The following HMCN2 variants were observed in gnomAD, a reference collection of about 807,000 sequenced individuals.
HMCN2 encodes hemicentin-2.
A neutral mutation model predicts 377.5 loss-of-function variants in HMCN2; 325 were observed. The ratio of observed to expected loss-of-function variants is 0.86; its 90% CI spans 0.79 to 0.94. The LOEUF (loss-of-function observed/expected upper bound fraction) is 0.94, where lower values mean the gene tolerates loss of function less well. Ranked by LOEUF, HMCN2 falls within the 40% of genes least tolerant of loss-of-function variation. The pLI, the probability that HMCN2 is intolerant of heterozygous loss-of-function variation, is 0.00. For missense variants in HMCN2, 4,543 were observed against 4,725.3 expected (o/e 0.96, Z 1.13); for synonymous variants, 2,007 against 2,046.8 (o/e 0.98, Z 0.53).
At position 130,368,315 on chromosome 9, in the gene HMCN2, T is replaced by A; in HGVS notation, c.6665T>A (p.Val2222Glu). ...LPGEGAGLQH[V>E]SAVGRLLYLG... ...GGGGAGGGGGCTGGCCTCCAGCACG[T>A]GTCGGCTGTGGGGAGGCTGTTGTAC... Residue 2222 changes from valine (V) to glutamate (E), a missense_variant, in exon 44 of 98, where the codon GTG becomes GAG. Transcript: ENST00000683500. 5 of 985,690 alleles carry A rather than the reference T, an allele frequency of 5.1e-6. No homozygotes were observed. The highest frequency in any genetic ancestry group is 6.0e-6 in the Non-Finnish European group (5 of 829,888). 61.1% of individuals were successfully genotyped at this position (985,690 alleles called of 1,614,324 possible). A position where few individuals can be genotyped will look rare whatever the true frequency, so the allele number is the denominator to read the frequency against.
chr9:130,395,309 C>T lies in HMCN2; in HGVS notation c.10873C>T (p.Pro3625Ser), dbSNP rs1320677065. The change falls in exon 71 of 98, where the codon CCC becomes TCC. Residue 3625 changes from proline to serine, a missense_variant. This residue lies in a region of HMCN2 where 1,073 missense variants were observed against 1,319.5 expected (regional missense o/e 0.81). Coordinates refer to ENST00000683500, the MANE Select transcript of HMCN2 (RefSeq NM_001291815.2). ...GTGTTCGGTGGAGGCAGAGCCAGCG[C>T]CCAAGATCACGTGGCACCGAGACGG... ...LECSVEAEPA[P>S]KITWHRDGIV... 3.9e-6 allele frequency: 5 copies of T among 1,289,428 alleles called. No individual in the cohort carries two copies. The African/African-American group carries it at 6.1e-5, about 16-fold the overall frequency. 79.9% of individuals were successfully genotyped at this position (1,289,428 alleles called of 1,614,324 possible).
chr9:130,330,776 T>G (rs1838384384), intron 22 of HMCN2, among the ~76,000 whole-genome samples: 1 of 152,134 alleles, frequency 6.6e-6, no homozygotes. Flanking sequence ...CACGGATTCC[T>G]TTTCTCTTTT....
At position 130,352,983 on chromosome 9, in the gene HMCN2, C is replaced by G; in HGVS notation, c.4642C>G (p.His1548Asp). 1 of 1,302,954 alleles carries G rather than the reference C, an allele frequency of 7.7e-7. No individual in the cohort carries two copies. The highest frequency in any genetic ancestry group is 1.0e-6 in the Non-Finnish European group (1 of 988,248). 80.7% of individuals were successfully genotyped at this position (1,302,954 alleles called of 1,614,324 possible). ...AGGCGAGGTGGCCGTCATGGAGGACCACCTAGTGCAGCTCCTGTGTGAGGC... is the reference window on the plus strand; with the variant it reads ...AGGCGAGGTGGCCGTCATGGAGGACGACCTAGTGCAGCTCCTGTGTGAGGC... ...ETGEVAVMEDHLVQLLCEARG... is the reference protein window; with the variant it reads ...ETGEVAVMEDDLVQLLCEARG... The change falls in exon 31 of 98, where the codon CAC becomes GAC. Residue 1548 changes from histidine (H) to aspartate (D), a missense_variant. By Grantham distance (81) the His-to-Asp change is moderately conservative (BLOSUM62 -1). Around this residue, in one of 5 missense-constraint regions of HMCN2, gnomAD observed 1,032 missense variants for 1,285.1 expected, o/e 0.80. Coordinates refer to ENST00000683500, the MANE Select transcript of HMCN2 (RefSeq NM_001291815.2).
intron 87 of HMCN2, among the ~76,000 whole-genome samples, chr9:130,424,387 C>T (rs867475089): frequency 4.6e-5 from 7 of 150,712 alleles, no homozygotes; most frequent in South Asian, 4.2e-4. Flanking sequence ...AGGGTTTCAC[C>T]GTGTTAGCCA....
chr9:130,378,740 G>A (rs1449976884), intron 53 of HMCN2, among the ~76,000 whole-genome samples: 3 of 152,088 alleles, frequency 2.0e-5, no homozygotes, highest in Non-Finnish European at 2.9e-5. Flanking sequence ...TTTCATCTCC[G>A]GTGCTTCTGG....
chr9:130,377,115 T>A (rs1028629716), intron 52 of HMCN2, among the ~76,000 whole-genome samples: 4 of 150,978 alleles, frequency 2.6e-5, no homozygotes, highest in Non-Finnish European at 4.4e-5. Flanking sequence ...TTATTTTATT[T>A]TTTTATTTTT....
chr9:130,284,628 G>A lies in HMCN2; in HGVS notation c.285G>A (p.Ala95=), dbSNP rs896483336. The change falls in exon 2 of 98, where the codon GCG becomes GCA. Residue 95 remains alanine, a synonymous_variant. Coordinates refer to ENST00000683500, the MANE Select transcript of HMCN2 (RefSeq NM_001291815.2). ...ATATTGGCCCAGTGACCCTCACGGC[G>A]GACCCCACAGTGTTTCAGAGGGAGC... ...DPDIGPVTLT[A]DPTVFQRELR... The A allele has an allele frequency of 6.2e-5, 29 of 471,022 alleles. No individual in the cohort carries two copies. The highest frequency in any genetic ancestry group is 2.1e-4 in the East Asian group (3 of 14,402). 29.2% of individuals were successfully genotyped at this position (471,022 alleles called of 1,614,324 possible).
Position 130,433,454 on chromosome 9 carries a change from G to A in HMCN2, c.15001G>A (p.Ala5001Thr). Residue 5001 changes from alanine (A) to threonine (T), a missense_variant, in exon 98 of 98, where the codon GCC (alanine) becomes ACC (threonine). This residue lies in a region of HMCN2 where 1,155 missense variants were observed against 1,157.7 expected (regional missense o/e 1.00). Coordinates refer to ENST00000683500, the MANE Select transcript of HMCN2 (RefSeq NM_001291815.2). ...PLGVRAHHDV[A>T]RLTAFSEVGV... Reference sequence around the variant, plus strand: ...GGGCGTGCGCGCCCACCACGACGTGGCCCGCCTCACCGCCTTCTCCGAGGT... The same window carrying A: ...GGGCGTGCGCGCCCACCACGACGTGACCCGCCTCACCGCCTTCTCCGAGGT... 2.7e-6 allele frequency: 4 copies of A among 1,498,656 alleles called. No homozygotes were observed. The highest frequency in any genetic ancestry group is 3.5e-6 in the Non-Finnish European group (4 of 1,131,940). 92.8% of individuals were successfully genotyped at this position (1,498,656 alleles called of 1,614,324 possible). A position where few individuals can be genotyped will look rare whatever the true frequency, so the allele number is the denominator to read the frequency against.
chr9:130,382,450 C>A (rs961882712), intron 55 of HMCN2, among the ~76,000 whole-genome samples, 153 bp downstream of exon 55: 1 of 152,188 alleles, frequency 6.6e-6, no homozygotes, highest in Non-Finnish European at 1.5e-5. Flanking sequence ...TCATGCAGGA[C>A]TGGGCGCAGG....
intron 15 of HMCN2, among the ~76,000 whole-genome samples, chr9:130,318,111 C>T (rs1480548465): frequency 6.6e-6 from 1 of 152,162 alleles, no homozygotes; most frequent in Non-Finnish European, 1.5e-5. Context: ...TTCTGAGCTT[C>T]GGCGGCTGCC....
At position 130,404,942 on chromosome 9, in the gene HMCN2, G is replaced by T; in HGVS notation, c.12222G>T (p.Lys4074Asn). The change falls in exon 81 of 98, where the codon AAG (lysine) becomes AAT (asparagine). Residue 4074 changes from lysine to asparagine, a missense_variant. Transcript: ENST00000683500. ...GCTCCCACGCCTTCTTGCCTTGCAA[G>T]GCGAGGGGCAGTCCTGAGCCCAACA... ...TEGSHAFLPC[K>N]ARGSPEPNIT... 3.1e-6 allele frequency: 4 copies of T among 1,289,136 alleles called. No homozygotes were observed. Among genetic ancestry groups the T allele is most frequent in the Non-Finnish European group, 4.0e-6 (4 of 988,554 alleles). The allele number at this position is 1,289,136 out of a possible 1,614,324, so 79.9% of individuals were successfully genotyped here. A position where few individuals can be genotyped will look rare whatever the true frequency, so the allele number is the denominator to read the frequency against.
chr9:130,336,733 A>T (rs1426790448), intron 22 of HMCN2, among the ~76,000 whole-genome samples: 2 of 152,234 alleles, frequency 1.3e-5, no homozygotes, highest in East Asian at 3.8e-4. Context: ...ACTACTCTGC[A>T]GATGGGGAGA....
chr9:130,334,717 C>CT (rs1447523869), intron 22 of HMCN2, among the ~76,000 whole-genome samples: 48,031 of 139,440 alleles, frequency 0.34, 9,834 homozygotes, highest in Non-Finnish European at 0.48. Context: ...TTCTCTCTCT[C>CT]TCTCTTCTCT....
Position 130,359,388 on chromosome 9 carries a change from G to A in HMCN2, c.5747G>A (p.Cys1916Tyr). The A allele has an allele frequency of 1.5e-6, 2 of 1,303,400 alleles. No individual in the cohort carries two copies. The highest frequency in any genetic ancestry group is 2.0e-6 in the Non-Finnish European group (2 of 988,192). 80.7% of individuals were successfully genotyped at this position (1,303,400 alleles called of 1,614,324 possible). The change falls in exon 37 of 98, where the codon TGT (cysteine) becomes TAT (tyrosine). Residue 1916 changes from cysteine (C) to tyrosine (Y), a missense_variant. Transcript: ENST00000683500. ...GAAAATGCCTCAGTGACCTTGGAGT[G>A]TCTGGCTTCGGGCGTGCCCCCTCCT... Reference protein sequence around the residue: ...VLENASVTLECLASGVPPPDV... With the variant: ...VLENASVTLEYLASGVPPPDV...
Position 130,430,362 on chromosome 9 carries a change from GC to G in HMCN2, c.14411del (p.Pro4804GlnfsTer22), listed in dbSNP as rs745859407. The G allele has an allele frequency of 1.3e-6, 2 of 1,549,388 alleles. No homozygotes were observed. Among genetic ancestry groups the G allele is most frequent in the Non-Finnish European group, 1.7e-6 (2 of 1,146,918 alleles). ...HNLQGSYRCL[C>X]PPGQTLLRDG... Reference sequence around the variant, plus strand: ...CTCCAGGGCAGCTACCGCTGCCTGTGCCCCCCAGGCCAGACCCTCCTTCGCG... The same window carrying G: ...CTCCAGGGCAGCTACCGCTGCCTGTGCCCCCAGGCCAGACCCTCCTTCGCG... On this transcript the variant is annotated frameshift_variant, in exon 95 of 98. Coordinates refer to ENST00000683500, the MANE Select transcript of HMCN2 (RefSeq NM_001291815.2). LOFTEE classifies it high-confidence loss of function.
chr9:130,302,816 G>T, intron 8 of HMCN2, 41 bp from the exon 9 acceptor site: 1 of 422,280 alleles, frequency 2.4e-6, no homozygotes, highest in Non-Finnish European at 5.0e-6. Flanking sequence ...GTGGCAAAGG[G>T]GCGGTGGGGA....
intron 82 of HMCN2, 21 bp from the exon 83 acceptor site, chr9:130,407,550 A>C: frequency 1.6e-6 from 2 of 1,288,796 alleles, no homozygotes; most frequent in Non-Finnish European, 2.0e-6. Context: ...CCTGCACCCG[A>C]CTTCTCTTTC....
chr9:130,315,166 A>C, intron 15 of HMCN2, among the ~76,000 whole-genome samples: 2 of 107,382 alleles, frequency 1.9e-5, no homozygotes, highest in Non-Finnish European at 3.8e-5. Flanking sequence ...CCTGCCCTAG[A>C]CGAGCTCCTT....
intron 80 of HMCN2, 146 bp downstream of exon 80, chr9:130,404,021 G>A: frequency 2.6e-6 from 2 of 754,814 alleles, no homozygotes; most frequent in Non-Finnish European, 3.6e-6. Context: ...TTGTGCGCCT[G>A]AGTTCTGGTT....
Sources: allele counts gnomAD v4.1 joint callset (sites outside exome capture counted in the v4.1 genomes callset), GRCh38; gene constraint gnomAD v4.1.1; regional missense constraint gnomAD v4.1.1; transcripts MANE v1.5; gene names NCBI Gene and HGNC (gene_info 2026-07-23, HGNC 2026-07-21).